CDK13: variants seen among roughly 807,000 people sequenced by gnomAD.
The protein encoded by CDK13 is cyclin-dependent kinase 13.
CDK13 carries 40 observed loss-of-function variants against 137.6 expected under a neutral mutation model. That is an observed-to-expected ratio of 0.29 (90% CI 0.23 to 0.38). The LOEUF (loss-of-function observed/expected upper bound fraction) is 0.38, where lower values mean the gene tolerates loss of function less well. Among genes scored for constraint, CDK13 ranks in the 10% least tolerant of loss-of-function variants. The pLI, the probability that CDK13 is intolerant of heterozygous loss-of-function variation, is 1.00. For synonymous variants in CDK13, 869 were observed against 760.1 expected, an observed-to-expected ratio of 1.14 and a Z score of -2.36; for missense variants, 1,704 against 1,951.8, an observed-to-expected ratio of 0.87 and a Z score of 2.39.
intron 2 of CDK13, among the ~76,000 whole-genome samples, chr7:39,992,190 G>GTGTT (rs1784477122): frequency 7.3e-6 from 1 of 136,178 alleles, no homozygotes; most frequent in African/African-American, 2.5e-5. Context: ...GTGTGTGTGT[G>GTGTT]TGTGTGTGTG....
At chr7:39,996,983 A>AAAAAAAAAAAAAAAAG (rs1562719391) in intron 2 of CDK13, among the ~76,000 whole-genome samples, 31 of 141,466 alleles carry the variant, frequency 2.2e-4, no homozygotes, top group African/African-American at 8.6e-4. Flanking sequence ...AAAAGAAAAA[A>AAAAAAAAAAAAAAAAG]AAAAAGAAAA....
In CDK13 at chr7:39,950,987, G is replaced by C; in HGVS notation, c.346G>C (p.Glu116Gln). The C allele has an allele frequency of 7.6e-7, 1 of 1,314,290 alleles. No individual in the cohort carries two copies. The highest frequency in any genetic ancestry group is 9.6e-7 in the Non-Finnish European group (1 of 1,036,534). 81.4% of individuals were successfully genotyped at this position (1,314,290 alleles called of 1,614,324 possible). Residue 116 changes from glutamate (E) to glutamine (Q), a missense_variant, in exon 1 of 14, where the codon GAG (glutamate) becomes CAG (glutamine). Glu to Gln is a conservative substitution (Grantham distance 29). Coordinates refer to ENST00000181839, the MANE Select transcript of CDK13 (RefSeq NM_003718.5). ...RRGPRAGQEA[E>Q]KRRVFSLPQP... ...CGGGCCCCGCGCCGGGCAGGAGGCG[G>C]AGAAGCGTCGGGTCTTCTCGCTGCC...
At chr7:39,965,448 T>G (rs1783849436) in intron 1 of CDK13, among the ~76,000 whole-genome samples, 1 of 152,194 alleles carries the variant, frequency 6.6e-6, no homozygotes, top group Non-Finnish European at 1.5e-5. Flanking sequence ...ACCACTGCCT[T>G]TTTTTGTTTT....
At chr7:40,005,130 C>T (rs191468889) in intron 5 of CDK13, among the ~76,000 whole-genome samples, 1 of 149,598 alleles carries the variant, frequency 6.7e-6, no homozygotes, top group Non-Finnish European at 1.5e-5. Context: ...GCCGAGATTG[C>T]ACCATTGCAC....
chr7:39,951,479 C>G lies in CDK13; in HGVS notation c.838C>G (p.Arg280Gly). 2 of 1,537,680 alleles carry G rather than the reference C, an allele frequency of 1.3e-6. No homozygotes were observed. Among genetic ancestry groups the G allele is most frequent in the Non-Finnish European group, 1.7e-6 (2 of 1,143,046 alleles). ...SRKDRDSKAHRSRTKSSKEPP... is the reference protein window; with the variant it reads ...SRKDRDSKAHGSRTKSSKEPP... ...CAAGGACCGGGACTCGAAGGCCCAC[C>G]GCAGCCGGACTAAGTCGTCCAAGGA... Residue 280 changes from arginine (R) to glycine (G), a missense_variant, in exon 1 of 14, where the codon CGC (arginine) becomes GGC (glycine). By Grantham distance (125) the Arg-to-Gly change is moderately radical. Transcript: ENST00000181839.
chr7:39,957,300 G>GT (rs1030772259), intron 1 of CDK13, among the ~76,000 whole-genome samples: 128 of 149,292 alleles, frequency 8.6e-4, no homozygotes, highest in African/African-American at 3.0e-3. Context: ...ATAAAAGTTA[G>GT]TTTTTTTTCC....
intron 7 of CDK13, among the ~76,000 whole-genome samples, chr7:40,052,658 A>G (rs1785919218): frequency 6.6e-6 from 1 of 152,212 alleles, no homozygotes; most frequent in South Asian, 2.1e-4. Flanking sequence ...ACCTTTTTGA[A>G]GGCAGTATCG....
chr7:40,098,699 T>G lies in CDK13; in HGVS notation c.*3719T>G, dbSNP rs1584104062. On this transcript the variant is annotated 3_prime_UTR_variant, in exon 14 of 14. Coordinates refer to ENST00000181839, the MANE Select transcript of CDK13 (RefSeq NM_003718.5). Reference sequence around the variant, plus strand: ...CAGCTGGATTGCCTGTGCTTGTTCCTCTAAGCCATACCTAAATTCTGCAGT... The same window carrying G: ...CAGCTGGATTGCCTGTGCTTGTTCCGCTAAGCCATACCTAAATTCTGCAGT... 1 of 152,220 alleles carries G rather than the reference T, an allele frequency of 6.6e-6. No individual in the cohort carries two copies. Among genetic ancestry groups the G allele is most frequent in the East Asian group, 1.9e-4 (1 of 5,186 alleles). 9.4% of individuals were successfully genotyped at this position (152,220 alleles called of 1,614,324 possible). A position where few individuals can be genotyped will look rare whatever the true frequency, so the allele number is the denominator to read the frequency against.
At chr7:39,993,210 A>G (rs1784499757) in intron 2 of CDK13, among the ~76,000 whole-genome samples, 1 of 152,140 alleles carries the variant, frequency 6.6e-6, no homozygotes, top group African/African-American at 2.4e-5. Flanking sequence ...GTTATTTTCT[A>G]ATTCTGCCAT....
intron 9 of CDK13, chr7:40,072,791 G>A (rs1786451689): frequency 6.6e-6 from 1 of 152,164 alleles, no homozygotes. Context: ...CTTTTATTAG[G>A]CTTGGATGGT....
chr7:40,066,881 T>C (rs1196713580), intron 9 of CDK13: 2 of 152,184 alleles, frequency 1.3e-5, no homozygotes, highest in Non-Finnish European at 2.9e-5. Context: ...GTTTAAATTA[T>C]ATATCTGTGT....
chr7:39,992,088 C>T (rs1222644058), intron 2 of CDK13, among the ~76,000 whole-genome samples: 1 of 130,728 alleles, frequency 7.6e-6, no homozygotes, highest in Non-Finnish European at 1.5e-5. Flanking sequence ...CACACACACA[C>T]ACACACACAC....
At chr7:39,952,771 T>C (rs1273619554) in intron 1 of CDK13, 1 of 152,230 alleles carries the variant, frequency 6.6e-6, no homozygotes, top group African/African-American at 2.4e-5. Context: ...CAGAAATCTT[T>C]AAAAGGTGTA....
At chr7:39,996,436 C>G (rs541960556) in intron 2 of CDK13, among the ~76,000 whole-genome samples, 3 of 152,088 alleles carry the variant, frequency 2.0e-5, no homozygotes, top group Admixed American at 6.6e-5. Context: ...TTAAGATATA[C>G]TTTAAAACTC....
At chr7:40,003,153 T>TACACACACACACACACAC (rs71560157) in intron 5 of CDK13, among the ~76,000 whole-genome samples, 5 of 119,894 alleles carry the variant, frequency 4.2e-5, no homozygotes, top group Admixed American at 1.8e-4. Context: ...CTTCCCCAGC[T>TACACACACACACACACAC]ACACACACAC....
Position 39,988,081 on chromosome 7 carries a change from G to T in CDK13, c.1694G>T (p.Gly565Val), listed in dbSNP as rs2116268074. 1 of 1,614,070 alleles carries T rather than the reference G, an allele frequency of 6.2e-7. No individual in the cohort carries two copies. The highest frequency in any genetic ancestry group is 8.5e-7 in the Non-Finnish European group (1 of 1,180,008). Residue 565 changes from glycine to valine, a missense_variant, in exon 2 of 14, where the codon GGA (glycine) becomes GTA (valine). Physicochemically the swap from Gly to Val is moderately radical, Grantham distance 109. This residue lies in a region of CDK13 where 1,051 missense variants were observed against 931.0 expected (regional missense o/e 1.13). Transcript: ENST00000181839. ...DKATKKAVIV[G>V]KESKSAATKE... is the part of the protein sequence containing the mutation. ...GCCACCAAGAAAGCAGTCATAGTTG[G>T]AAAGGAGAGTAAATCTGCTGCTACA... is the stretch of plus-strand genomic sequence containing the variant.
chr7:40,096,238 A>T lies in CDK13; in HGVS notation c.*1258A>T, dbSNP rs1341167628. On this transcript the variant is annotated 3_prime_UTR_variant, in exon 14 of 14. Coordinates refer to ENST00000181839, the MANE Select transcript of CDK13 (RefSeq NM_003718.5). ...TTGCTTAGATTGAATTTATTGAAGC[A>T]AAAAGAAAAGGCAATGAGAGAGAAC... 3 of 152,224 alleles carry T rather than the reference A, an allele frequency of 2.0e-5. No individual in the cohort carries two copies. Among genetic ancestry groups the T allele is most frequent in the Non-Finnish European group, 1.5e-5 (1 of 68,030 alleles). 9.4% of individuals were successfully genotyped at this position (152,224 alleles called of 1,614,324 possible).
rs776762273 is a variant in CDK13, at chr7:40,078,032, A to G, written c.2808A>G (p.Ala936=). 1 of 1,587,210 alleles carries G rather than the reference A, an allele frequency of 6.3e-7. No homozygotes were observed. The highest frequency in any genetic ancestry group is 1.2e-5 in the South Asian group (1 of 86,764). Residue 936 remains alanine (A), a synonymous_variant, in exon 10 of 14, where the codon GCA becomes GCG. Coordinates refer to ENST00000181839, the MANE Select transcript of CDK13 (RefSeq NM_003718.5). The stretch of plus-strand genomic sequence containing the variant: ...GAATATGTGGGAGTCCATGTCCTGC[A>G]GTGTGGCCTGATGTAATCAAACTAC... The part of the protein sequence containing the change: ...ISRICGSPCP[A]VWPDVIKLPY...
At chr7:40,007,925 T>C (rs770432846) in intron 5 of CDK13, among the ~76,000 whole-genome samples, 3 of 152,170 alleles carry the variant, frequency 2.0e-5, no homozygotes, top group Non-Finnish European at 4.4e-5. Context: ...TAAAGGTGGG[T>C]GCAGTTTGGA....
Sources: allele counts gnomAD v4.1 joint callset (sites outside exome capture counted in the v4.1 genomes callset), GRCh38; gene constraint gnomAD v4.1.1; regional missense constraint gnomAD v4.1.1; transcripts MANE v1.5; gene names NCBI Gene and HGNC (gene_info 2026-07-23, HGNC 2026-07-21).